SAMM50: variants seen among roughly 807,000 people sequenced by gnomAD.
SAMM50 encodes the protein SAMM50 sorting and assembly machinery component.
Under a neutral mutation model 66.9 loss-of-function variants are expected in SAMM50, and 47 were observed. That is an observed-to-expected ratio of 0.70 (90% CI 0.56 to 0.90). The LOEUF is 0.90. Among genes scored for constraint, SAMM50 ranks in the 40% least tolerant of loss-of-function variants. The probability of loss-of-function intolerance (pLI) is 0.00; values close to 1 mark genes in which losing one functional copy is unlikely to be tolerated. For missense variants in SAMM50, 535 were observed against 595.3 expected (o/e 0.90, Z 1.05); for synonymous variants, 191 against 214.1 (o/e 0.89, Z 0.94).
rs557009788 is a variant in SAMM50 at position 43,994,250 on chromosome 22, G to A, written c.1365-2088G>A. Among the ~76,000 whole-genome samples the A allele has an allele frequency of 3.0e-3, 462 of 152,306 alleles. 2 individuals are homozygous for A. Among genetic ancestry groups the A allele is most frequent in the Non-Finnish European group, 5.0e-3 (343 of 68,012 alleles). ...GTCGGCGGGCACCGGGCAGAACCGC[G>A]TCCTACAGGAACAGAAGGGGGAGTG... On this transcript the variant is annotated intron_variant, in intron 14 of 14. Coordinates refer to ENST00000350028, the MANE Select transcript of SAMM50 (RefSeq NM_015380.5).
rs2050212803 is a variant in SAMM50, at chr22:43,973,179, G to C, written c.561-57G>C. 2.3e-6 allele frequency: 3 copies of C among 1,331,060 alleles called. No homozygotes were observed. The African/African-American group carries it at 4.3e-5, about 19-fold the overall frequency. The allele number at this position is 1,331,060 out of a possible 1,614,324, so 82.5% of individuals were successfully genotyped here. A position where few individuals can be genotyped will look rare whatever the true frequency, so the allele number is the denominator to read the frequency against. On this transcript the variant is annotated intron_variant, in intron 6 of 14. Coordinates refer to ENST00000350028, the MANE Select transcript of SAMM50 (RefSeq NM_015380.5). ...TAGTGTTAAGTCTGTTGATTTAAAT[G>C]TGTGCAAGTTCTAATCACTGTTTCA...
At chr22:43,976,017 T>C (rs1480544469) in intron 7 of SAMM50, 38 bp from the exon 8 acceptor site, 2 of 1,581,928 alleles carry the variant, frequency 1.3e-6, no homozygotes, top group Admixed American at 1.7e-5. Context: ...TTCCTAAGTA[T>C]GTGTGGTCCG....
rs183790620 is a variant in SAMM50 at position 43,977,886 on chromosome 22, C to T, written c.864C>T (p.Tyr288=). 8 of 1,613,794 alleles carry T rather than the reference C, an allele frequency of 5.0e-6. No individual in the cohort carries two copies. The highest frequency in any genetic ancestry group is 6.8e-6 in the Non-Finnish European group (8 of 1,179,800). The change falls in exon 10 of 15, where the codon TAC becomes TAT. Residue 288 remains tyrosine, a synonymous_variant. Transcript: ENST00000350028. ...CTTCCCTGCAGGAACTGGCAGGCTA[C>T]ACTGGCGGGGATGTGAGCTTCATCA... ...LLKVNQELAG[Y]TGGDVSFIKE...
At chr22:43,976,896 G>C (rs2050235496) in intron 9 of SAMM50, 75 bp downstream of exon 9, 1 of 937,180 alleles carries the variant, frequency 1.1e-6, no homozygotes, top group African/African-American at 1.7e-5. Context: ...GTCCCGGTGG[G>C]CTGGGTGGGC....
chr22:43,957,760 A>G (rs148122504), intron 1 of SAMM50, among the ~76,000 whole-genome samples: 2,998 of 149,162 alleles, frequency 0.02, 39 homozygotes, highest in Middle Eastern at 0.032. Flanking sequence ...GTCCAGAATA[A>G]TTTTTTTTGT....
At chr22:43,965,397 G>C (rs918628600) in intron 3 of SAMM50, among the ~76,000 whole-genome samples, 1 of 151,970 alleles carries the variant, frequency 6.6e-6, no homozygotes, top group African/African-American at 2.4e-5. Flanking sequence ...TAGTAGAGAT[G>C]GGGCTTTGTC....
In SAMM50 at chr22:43,983,981, C is replaced by T. The variant is rs1423970445; in HGVS notation, c.1056C>T (p.Ser352=). Residue 352 remains serine (S), a synonymous_variant, in exon 12 of 15, where the codon AGC becomes AGT. Transcript: ENST00000350028. This position sits in a 1 kb window ranked among gnomAD's most constrained non-coding sequence, Gnocchi z 4.2. ...PTSIRGFSMH[S]IGPQSEGDYL... ...GCATCCGCGGATTCAGCATGCACAG[C>T]ATCGGGCCACAGAGCGAAGGTCTGT... 3.7e-6 allele frequency: 6 copies of T among 1,611,824 alleles called. No homozygotes were observed. Among genetic ancestry groups the T allele is most frequent in the Non-Finnish European group, 5.1e-6 (6 of 1,179,142 alleles).
At chr22:43,964,828 C>T (rs1257638705) in intron 3 of SAMM50, among the ~76,000 whole-genome samples, 1 of 152,184 alleles carries the variant, frequency 6.6e-6, no homozygotes, top group Non-Finnish European at 1.5e-5. Context: ...TCTCCCAGCG[C>T]CGTAATGCGA....
intron 12 of SAMM50, chr22:43,986,455 A>G (rs183200780): frequency 1.6e-4 from 24 of 152,294 alleles, no homozygotes; most frequent in African/African-American, 5.3e-4. Context: ...CTGACATGCA[A>G]CATCCGTCAG....
chr22:43,994,710 G>A (rs1017367853), intron 14 of SAMM50, among the ~76,000 whole-genome samples: 1 of 152,210 alleles, frequency 6.6e-6, no homozygotes, highest in East Asian at 1.9e-4. Context: ...AGCAGAAGGT[G>A]GATGTTTGGG....
At position 43,993,477 on chromosome 22, in the gene SAMM50, A is replaced by G. The variant is rs373241177; in HGVS notation, c.1365-2861A>G. Among the ~76,000 whole-genome samples, 22 of 152,388 alleles carry G rather than the reference A, an allele frequency of 1.4e-4. No individual in the cohort carries two copies. In the South Asian group the frequency reaches 3.7e-3, roughly 26 times the overall value. On this transcript the variant is annotated intron_variant, in intron 14 of 14. Coordinates refer to ENST00000350028, the MANE Select transcript of SAMM50 (RefSeq NM_015380.5). ...ACTTCCGTCTCTTCAGGTTAAATCT[A>G]AAAAACACGTTTCAGAGATTAATTT...
chr22:43,956,643 A>G (rs943007381), intron 1 of SAMM50, among the ~76,000 whole-genome samples: 1 of 152,122 alleles, frequency 6.6e-6, no homozygotes, highest in Non-Finnish European at 1.5e-5. Flanking sequence ...CCTCAAATCC[A>G]TCTCCTTCAG....
intron 6 of SAMM50, 55 bp downstream of exon 6, chr22:43,973,056 G>A (rs1288211906): frequency 1.3e-5 from 21 of 1,564,106 alleles, no homozygotes; most frequent in Non-Finnish European, 1.6e-5. Context: ...AGTTAAAATA[G>A]GTGGCTTATT....
chr22:43,976,442 A>G (rs985938376), intron 8 of SAMM50, among the ~76,000 whole-genome samples: 1 of 152,238 alleles, frequency 6.6e-6, no homozygotes, highest in Admixed American at 6.5e-5. Context: ...AGGAGGAACC[A>G]GGCTGAGCCG....
rs1388849688 is a variant in SAMM50, at chr22:43,990,249, GTCTT to G, written c.1223-12_1223-9del. On this transcript the variant is annotated splice_polypyrimidine_tract_variant and intron_variant, in intron 13 of 14. Coordinates refer to ENST00000350028, the MANE Select transcript of SAMM50 (RefSeq NM_015380.5). ...GACGGGCACGCACTGTTGCTCACAGGTCTTTCTCTTTTCAGGGGAGGGCCCCAAA... is the reference window on the plus strand; with the variant it reads ...GACGGGCACGCACTGTTGCTCACAGGTCTCTTTTCAGGGGAGGGCCCCAAA... The G allele has an allele frequency of 6.2e-7, 1 of 1,614,040 alleles. No individual in the cohort carries two copies. The highest frequency in any genetic ancestry group is 8.5e-7 in the Non-Finnish European group (1 of 1,180,016).
At chr22:43,969,481 C>T (rs1293536664) in intron 4 of SAMM50, among the ~76,000 whole-genome samples, 1 of 152,140 alleles carries the variant, frequency 6.6e-6, no homozygotes, top group African/African-American at 2.4e-5. Context: ...GTGGTCTCCT[C>T]CTGAAGGGGC....
chr22:43,978,455 T>TAAAAAAAA (rs2050245748), intron 10 of SAMM50, among the ~76,000 whole-genome samples: 1 of 70,444 alleles, frequency 1.4e-5, no homozygotes, highest in African/African-American at 6.3e-5. Context: ...AAAAAAAAAG[T>TAAAAAAAA]AACCTCTGCT....
At chr22:43,993,733 G>A (rs1446692589) in intron 14 of SAMM50, among the ~76,000 whole-genome samples, 1 of 152,194 alleles carries the variant, frequency 6.6e-6, no homozygotes, top group Non-Finnish European at 1.5e-5. Context: ...TCGTGAAGTT[G>A]GAGTGAGGTT....
intron 14 of SAMM50, among the ~76,000 whole-genome samples, chr22:43,994,064 G>A (rs929455296): frequency 3.3e-5 from 5 of 152,174 alleles, no homozygotes; most frequent in Non-Finnish European, 7.3e-5. Flanking sequence ...ACAAGAAAGT[G>A]GATCATCTTG....
Sources: gnomAD v4.1 joint callset for allele counts (sites outside exome capture counted in the v4.1 genomes callset) on GRCh38, gnomAD v4.1.1 for gene constraint, Gnocchi (gnomAD v3.1) non-coding constraint, MANE v1.5 for transcripts, NCBI Gene and HGNC (gene_info 2026-07-23, HGNC 2026-07-21) for gene names.